Variants in PIGF observed in about 807,000 individuals in gnomAD.
The protein encoded by PIGF is phosphatidylinositol glycan anchor biosynthesis class F.
PIGF carries 23 observed loss-of-function variants against 26.0 expected under a neutral mutation model. The observed-to-expected ratio is 0.88, with a 90% CI of 0.64 to 1.25. The LOEUF is 1.25. Ranked by LOEUF, PIGF falls within the 50% of genes most tolerant of loss-of-function variation. The probability of loss-of-function intolerance (pLI) is 0.00; values close to 1 mark genes in which losing one functional copy is unlikely to be tolerated. For synonymous variants in PIGF, 93 were observed against 92.6 expected, an observed-to-expected ratio of 1.00 and a Z score of -0.03; for missense variants, 278 against 249.9, an observed-to-expected ratio of 1.11 and a Z score of -0.76.
In PIGF at chr2:46,593,299, A is replaced by ATT. The variant is rs1183481218; in HGVS notation, c.438-718_438-717dup. Among the ~76,000 whole-genome samples the ATT allele has an allele frequency of 2.0e-5, 3 of 151,948 alleles. 1 individual carries two copies. The highest frequency in any genetic ancestry group is 2.0e-4 in the Admixed American group (3 of 15,242). ...AGGTGTGTGCCACCATGCCCAGCTA[A>ATT]TTTTTGTACTTTTAGTAGAGATGGG... On this transcript the variant is annotated intron_variant, in intron 4 of 5. Transcript: ENST00000281382.
At chr2:46,594,990 A>C (rs1387943244) in intron 4 of PIGF, among the ~76,000 whole-genome samples, 1 of 151,112 alleles carries the variant, frequency 6.6e-6, no homozygotes, top group Non-Finnish European at 1.5e-5. Context: ...AGCTGGGATT[A>C]TAGGTGGCTA....
intron 4 of PIGF, among the ~76,000 whole-genome samples, chr2:46,600,622 A>G (rs915284432): frequency 1.3e-5 from 2 of 152,138 alleles, no homozygotes; most frequent in Non-Finnish European, 2.9e-5. Context: ...AACTGCTGCC[A>G]TCCCACTACC....
chr2:46,607,437 C>T (rs1016540854), intron 4 of PIGF, among the ~76,000 whole-genome samples: 1 of 152,114 alleles, frequency 6.6e-6, no homozygotes, highest in Non-Finnish European at 1.5e-5. Flanking sequence ...GCAAATTGTA[C>T]AATAAAGTGA....
Position 46,581,384 on chromosome 2 carries a change from C to A in PIGF, c.*94G>T. 6.6e-7 allele frequency: 1 copy of A among 1,514,952 alleles called. No homozygotes were observed. The highest frequency in any genetic ancestry group is 8.9e-7 in the Non-Finnish European group (1 of 1,127,914). 93.8% of individuals were successfully genotyped at this position (1,514,952 alleles called of 1,614,324 possible). ...CATCATGTTGTAACTACGTAAAAAA[C>A]AGAGCTGTAAATGGAACTGCTTGGC... On this transcript the variant is annotated 3_prime_UTR_variant, in exon 6 of 6. Transcript: ENST00000281382.
intron 4 of PIGF, among the ~76,000 whole-genome samples, chr2:46,606,875 G>A (rs1160045890): frequency 6.6e-6 from 1 of 152,134 alleles, no homozygotes; most frequent in Non-Finnish European, 1.5e-5. Context: ...TGATAAATGG[G>A]TAAACAAAAT....
intron 4 of PIGF, among the ~76,000 whole-genome samples, chr2:46,593,235 C>T (rs1036371314): frequency 3.3e-5 from 5 of 150,890 alleles, no homozygotes; most frequent in African/African-American, 9.8e-5. Context: ...CGGGTTCAAG[C>T]GATTCTCCTG....
rs939159743 is a variant in PIGF at position 46,616,999 on chromosome 2, G to A, written c.-51C>T. On this transcript the variant is annotated 5_prime_UTR_variant, in exon 1 of 6. Coordinates refer to ENST00000281382, the MANE Select transcript of PIGF (RefSeq NM_002643.4). Reference sequence around the variant, plus strand: ...CTCTCCCTCCCGCGGAAGGGAAGCGGGGAACTACTGCCTCCTACCATCAGG... The same window carrying A: ...CTCTCCCTCCCGCGGAAGGGAAGCGAGGAACTACTGCCTCCTACCATCAGG... 3.6e-6 allele frequency: 2 copies of A among 556,546 alleles called. No individual in the cohort carries two copies. The highest frequency in any genetic ancestry group is 6.4e-6 in the Non-Finnish European group (2 of 313,046). 34.5% of individuals were successfully genotyped at this position (556,546 alleles called of 1,614,324 possible).
chr2:46,589,980 T>C lies in PIGF; in HGVS notation c.546+2495A>G, dbSNP rs1486932762. 6.6e-6 allele frequency among the ~76,000 whole-genome samples: 1 copy of C among 152,058 alleles called. No individual in the cohort carries two copies. The highest frequency in any genetic ancestry group is 6.5e-5 in the Admixed American group (1 of 15,268). ...AAGATTTTTAATTATACATCAATTC[T>C]ATCATTCCCTCAACAATACATTTCA... On this transcript the variant is annotated intron_variant, in intron 5 of 5. Coordinates refer to ENST00000281382, the MANE Select transcript of PIGF (RefSeq NM_002643.4). This position sits in a 1 kb window ranked among gnomAD's most constrained non-coding sequence, Gnocchi z 4.7.
intron 4 of PIGF, among the ~76,000 whole-genome samples, chr2:46,611,962 CTT>C (rs34521428): frequency 2.7e-5 from 4 of 147,158 alleles, no homozygotes; most frequent in Non-Finnish European, 1.5e-5. Flanking sequence ...TCTTCTTCTT[CTT>C]TTTTTTTTTA....
chr2:46,586,379 C>T (rs1669572089), intron 5 of PIGF, among the ~76,000 whole-genome samples: 1 of 152,084 alleles, frequency 6.6e-6, no homozygotes, highest in African/African-American at 2.4e-5. Context: ...AAGGTGTAAA[C>T]TAAGATTAAA....
chr2:46,584,397 T>C (rs1158433279), intron 5 of PIGF, among the ~76,000 whole-genome samples: 3 of 152,172 alleles, frequency 2.0e-5, no homozygotes, highest in African/African-American at 7.2e-5. Flanking sequence ...ATAGGGAGAA[T>C]AGTAATCCCT....
intron 4 of PIGF, among the ~76,000 whole-genome samples, chr2:46,596,120 C>T (rs943512980): frequency 1.3e-5 from 2 of 150,430 alleles, no homozygotes; most frequent in African/African-American, 4.9e-5. Context: ...AGGCTGAGAA[C>T]GGAGAATCGC....
chr2:46,598,409 G>A (rs927102306), intron 4 of PIGF, among the ~76,000 whole-genome samples: 2 of 151,960 alleles, frequency 1.3e-5, no homozygotes, highest in African/African-American at 2.4e-5. Context: ...CAAATCTACA[G>A]AGATAGAAAA....
At chr2:46,592,721 A>G (rs1335615977) in intron 4 of PIGF, 138 bp from the exon 5 acceptor site, 5 of 587,570 alleles carry the variant, frequency 8.5e-6, no homozygotes, top group Non-Finnish European at 1.6e-5. Context: ...ACATATACAT[A>G]TTTACCATGA....
intron 5 of PIGF, among the ~76,000 whole-genome samples, chr2:46,586,087 C>G (rs1669563882): frequency 1.3e-5 from 2 of 152,140 alleles, no homozygotes; most frequent in African/African-American, 4.8e-5. Flanking sequence ...AAGCAATCAT[C>G]TTTAATACAT....
chr2:46,596,547 C>T (rs150853104), intron 4 of PIGF, among the ~76,000 whole-genome samples: 11 of 151,956 alleles, frequency 7.2e-5, no homozygotes, highest in African/African-American at 2.7e-4. Context: ...TAAAGGAGTA[C>T]AATTAAACTA....
rs1669643110 is a variant in PIGF, at chr2:46,588,463, G to A, written c.546+4012C>T. On this transcript the variant is annotated intron_variant, in intron 5 of 5. Transcript: ENST00000281382. This position sits in a 1 kb window ranked among gnomAD's most constrained non-coding sequence, Gnocchi z 4.1. The stretch of plus-strand genomic sequence containing the variant: ...GTAACATTAATTAAGTAATAACCAT[G>A]TGTCAGGTGCTGAGCTAGGTATTTT... 1 of 277,544 alleles carries A rather than the reference G, an allele frequency of 3.6e-6. No individual in the cohort carries two copies. Among genetic ancestry groups the A allele is most frequent in the Non-Finnish European group, 6.9e-6 (1 of 145,320 alleles). 17.2% of individuals were successfully genotyped at this position (277,544 alleles called of 1,614,324 possible). A position where few individuals can be genotyped will look rare whatever the true frequency, so the allele number is the denominator to read the frequency against.
intron 4 of PIGF, among the ~76,000 whole-genome samples, chr2:46,609,275 C>G (rs1670325285): frequency 1.3e-5 from 2 of 152,210 alleles, no homozygotes; most frequent in African/African-American, 4.8e-5. Flanking sequence ...CTGTAACTTT[C>G]TCACCTCTCT....
At chr2:46,591,798 C>G (rs1572770267) in intron 5 of PIGF, 19 of 1,273,058 alleles carry the variant, frequency 1.5e-5, no homozygotes, top group South Asian at 5.2e-5. Context: ...AAAAAGAGCA[C>G]TTACCTCACA....
Sources: gnomAD v4.1 joint callset for allele counts (sites outside exome capture counted in the v4.1 genomes callset) on GRCh38, gnomAD v4.1.1 for gene constraint, Gnocchi (gnomAD v3.1) non-coding constraint, MANE v1.5 for transcripts, NCBI Gene and HGNC (gene_info 2026-07-23, HGNC 2026-07-21) for gene names.